PPP1R13B: variants seen among roughly 807,000 people sequenced by gnomAD.
The protein encoded by PPP1R13B is apoptosis-stimulating of p53 protein 1.
A neutral mutation model predicts 119.8 loss-of-function variants in PPP1R13B; 44 were observed. The observed-to-expected ratio is 0.37, with a 90% CI of 0.29 to 0.47. The LOEUF is 0.47. Ranked by LOEUF, PPP1R13B falls within the 20% of genes least tolerant of loss-of-function variation. The pLI is 0.99. For missense variants in PPP1R13B, 1,227 were observed against 1,413.5 expected, an observed-to-expected ratio of 0.87 and a Z score of 2.12; for synonymous variants, 542 against 561.5, an observed-to-expected ratio of 0.97 and a Z score of 0.49.
At chr14:103,737,229 TGA>T (rs1218029341) in intron 15 of PPP1R13B, 1 of 153,624 alleles carries the variant, frequency 6.5e-6, no homozygotes. Flanking sequence ...TTCACTCGAG[TGA>T]GACATCCTGG....
chr14:103,812,350 T>C (rs956920820), intron 1 of PPP1R13B, among the ~76,000 whole-genome samples: 3 of 151,764 alleles, frequency 2.0e-5, no homozygotes, highest in African/African-American at 7.3e-5. Context: ...GGTCTCGAAC[T>C]CCTTACATTG....
intron 1 of PPP1R13B, among the ~76,000 whole-genome samples, chr14:103,804,236 A>T (rs2085967282): frequency 6.6e-6 from 1 of 152,196 alleles, no homozygotes; most frequent in African/African-American, 2.4e-5. Context: ...ATTATTAAGT[A>T]GCTTAAGACG....
intron 2 of PPP1R13B, among the ~76,000 whole-genome samples, chr14:103,788,475 T>C (rs546271178): frequency 6.6e-6 from 1 of 152,330 alleles, no homozygotes; most frequent in East Asian, 1.9e-4. Context: ...GATGCATGTA[T>C]GGTTTATTCA....
intron 1 of PPP1R13B, among the ~76,000 whole-genome samples, chr14:103,816,009 A>G (rs1269112204): frequency 2.0e-5 from 3 of 148,052 alleles, no homozygotes; most frequent in Non-Finnish European, 4.5e-5. Context: ...GTATGAACCC[A>G]GGAGACAGAG....
intron 4 of PPP1R13B, among the ~76,000 whole-genome samples, chr14:103,771,475 C>CTTTT (rs57795299): frequency 1.6e-3 from 159 of 96,934 alleles, no homozygotes; most frequent in African/African-American, 2.1e-3. Context: ...ACTAACACTT[C>CTTTT]TTTTTTTTTT....
chr14:103,818,846 A>G (rs1396213857), intron 1 of PPP1R13B, among the ~76,000 whole-genome samples: 1 of 152,242 alleles, frequency 6.6e-6, no homozygotes, highest in Non-Finnish European at 1.5e-5. Context: ...GGAAAAAGAG[A>G]CTAAATAAAT....
intron 4 of PPP1R13B, among the ~76,000 whole-genome samples, chr14:103,758,962 T>C (rs2084740546): frequency 6.6e-6 from 1 of 151,978 alleles, no homozygotes; most frequent in Admixed American, 6.6e-5. Flanking sequence ...AACAGTCTTT[T>C]TTTTTTTTTT....
At chr14:103,804,612 G>A (rs1026595270) in intron 1 of PPP1R13B, among the ~76,000 whole-genome samples, 6 of 152,010 alleles carry the variant, frequency 3.9e-5, no homozygotes, top group African/African-American at 1.2e-4. Context: ...GTATGTGTCT[G>A]TAGTCCCACC....
chr14:103,794,328 G>GTTTTTTT (rs60972985), intron 2 of PPP1R13B, among the ~76,000 whole-genome samples: 1 of 140,688 alleles, frequency 7.1e-6, no homozygotes, highest in Non-Finnish European at 1.5e-5. Flanking sequence ...TTTGTTTTTT[G>GTTTTTTT]TTTTTTTTTT....
At chr14:103,815,713 C>T (rs2086262145) in intron 1 of PPP1R13B, among the ~76,000 whole-genome samples, 1 of 151,890 alleles carries the variant, frequency 6.6e-6, no homozygotes, top group Admixed American at 6.6e-5. Flanking sequence ...CAAGATCGCA[C>T]CACTGCACTC....
rs1246594904 is a variant in PPP1R13B, at chr14:103,820,702, T to G, written c.10-23184A>C. On this transcript the variant is annotated intron_variant, in intron 1 of 16. Transcript: ENST00000202556. ...TAGAGACAGGGTGGCCGCTCTATGA[T>G]GCCCAGGCTGGTCTCCAACTCCTAG... Among the ~76,000 whole-genome samples, 7 of 143,948 alleles carry G rather than the reference T, an allele frequency of 4.9e-5. No homozygotes were observed. The East Asian group carries it at 1.4e-3, about 29-fold the overall frequency. 94.4% of individuals were successfully genotyped at this position (143,948 alleles called of 152,430 possible).
At chr14:103,839,415 G>A (rs1219454966) in intron 1 of PPP1R13B, among the ~76,000 whole-genome samples, 1 of 151,852 alleles carries the variant, frequency 6.6e-6, no homozygotes, top group Non-Finnish European at 1.5e-5. Context: ...ATCACCTGAC[G>A]TTGGGAGTTT....
intron 1 of PPP1R13B, among the ~76,000 whole-genome samples, chr14:103,802,785 G>A (rs959027631): frequency 1.3e-5 from 2 of 152,158 alleles, no homozygotes; most frequent in Non-Finnish European, 2.9e-5. Context: ...GGAGAGGCAC[G>A]ATGACAGGTT....
intron 1 of PPP1R13B, among the ~76,000 whole-genome samples, chr14:103,840,393 C>T (rs760884995): frequency 6.6e-6 from 1 of 152,142 alleles, no homozygotes; most frequent in Non-Finnish European, 1.5e-5. Flanking sequence ...ACTGTTAATC[C>T]TAAAACCGTT....
At chr14:103,765,379 T>G (rs1158410175) in intron 4 of PPP1R13B, among the ~76,000 whole-genome samples, 1 of 152,208 alleles carries the variant, frequency 6.6e-6, no homozygotes, top group East Asian at 1.9e-4. Context: ...CTTTTTGCAC[T>G]TAGTTTATAG....
chr14:103,755,555 A>C (rs1477313383), intron 5 of PPP1R13B, among the ~76,000 whole-genome samples: 2 of 152,242 alleles, frequency 1.3e-5, no homozygotes, highest in Non-Finnish European at 2.9e-5. Flanking sequence ...TCATGATCCC[A>C]TATGTATGCA....
chr14:103,749,710 G>T, intron 8 of PPP1R13B, 84 bp downstream of exon 8: 1 of 1,338,508 alleles, frequency 7.5e-7, no homozygotes, highest in Non-Finnish European at 1.0e-6. Context: ...GTGGATGGGG[G>T]AGCATACTGC....
chr14:103,760,994 T>A (rs2084790282), intron 4 of PPP1R13B, among the ~76,000 whole-genome samples: 1 of 152,198 alleles, frequency 6.6e-6, no homozygotes, highest in Non-Finnish European at 1.5e-5. Context: ...TACATTCTAT[T>A]TAATGTACTA....
At chr14:103,809,530 C>T (rs75612474) in intron 1 of PPP1R13B, among the ~76,000 whole-genome samples, 8,472 of 152,052 alleles carry the variant, frequency 0.056, 259 homozygotes, top group Middle Eastern at 0.12. Context: ...TTAAAGAATA[C>T]TCTAGAATAG....
Sources: gnomAD v4.1 joint callset for allele counts (sites outside exome capture counted in the v4.1 genomes callset) on GRCh38, gnomAD v4.1.1 for gene constraint, MANE v1.5 for transcripts, NCBI Gene and HGNC (gene_info 2026-07-23, HGNC 2026-07-21) for gene names.